The following THSD4 variants were observed in gnomAD, a reference collection of about 807,000 sequenced individuals.
The protein encoded by THSD4 is thrombospondin type 1 domain containing 4, also known as thrombospondin type-1 domain-containing protein 4.
A neutral mutation model predicts 119.0 loss-of-function variants in THSD4; 69 were observed. The ratio of observed to expected loss-of-function variants is 0.58; its 90% CI spans 0.48 to 0.71. The LOEUF is 0.71. Ranked by LOEUF, THSD4 falls within the 30% of genes least tolerant of loss-of-function variation. The pLI is 0.00. For synonymous variants in THSD4, 524 were observed against 540.4 expected (o/e 0.97, Z 0.42); for missense variants, 1,393 against 1,391.1 (o/e 1.00, Z -0.02).
chr15:71,603,718 G>C (rs908416350), intron 7 of THSD4, among the ~76,000 whole-genome samples: 1 of 152,180 alleles, frequency 6.6e-6, no homozygotes, highest in Admixed American at 6.5e-5. Context: ...ATTATGAATG[G>C]CTTGAAATGC....
At chr15:71,672,373 A>C (rs1387376776) in intron 8 of THSD4, among the ~76,000 whole-genome samples, 3 of 152,198 alleles carry the variant, frequency 2.0e-5, no homozygotes, top group Non-Finnish European at 4.4e-5. Flanking sequence ...TTATCAGCTT[A>C]AGGAGATTTG....
At chr15:71,352,591 T>C (rs560408796) in intron 6 of THSD4, among the ~76,000 whole-genome samples, 3 of 152,330 alleles carry the variant, frequency 2.0e-5, no homozygotes, top group South Asian at 2.1e-4. Context: ...TTGGCTGATA[T>C]AGTTGAGTTC....
At chr15:71,497,139 A>G (rs1294617819) in intron 7 of THSD4, among the ~76,000 whole-genome samples, 1 of 152,216 alleles carries the variant, frequency 6.6e-6, no homozygotes, top group East Asian at 1.9e-4. Flanking sequence ...CCTTTCTGCG[A>G]TGATAATACC....
intron 8 of THSD4, among the ~76,000 whole-genome samples, chr15:71,683,731 T>C (rs897990568): frequency 6.6e-6 from 1 of 152,132 alleles, no homozygotes; most frequent in Non-Finnish European, 1.5e-5. Flanking sequence ...TCCCAGCACT[T>C]TGGGAGGCCG....
chr15:71,520,880 T>C (rs1361276853), intron 7 of THSD4, among the ~76,000 whole-genome samples: 1 of 152,214 alleles, frequency 6.6e-6, no homozygotes, highest in Non-Finnish European at 1.5e-5. Context: ...AAGATATGTT[T>C]GCTAGGTTTG....
intron 7 of THSD4, among the ~76,000 whole-genome samples, chr15:71,548,406 G>A (rs1275148908): frequency 6.6e-6 from 1 of 152,200 alleles, no homozygotes; most frequent in African/African-American, 2.4e-5. Flanking sequence ...CCTTGTCAGG[G>A]ACCAAGCAGG....
chr15:71,299,246 T>C (rs1426143530), intron 6 of THSD4, among the ~76,000 whole-genome samples: 4 of 152,230 alleles, frequency 2.6e-5, no homozygotes, highest in African/African-American at 4.8e-5. Flanking sequence ...AAGTTAAGAA[T>C]TGTGGATGCT....
rs540590502 is a variant in THSD4, at chr15:71,501,447, G to A, written c.1152+89624G>A. Among the ~76,000 whole-genome samples, 4 of 152,302 alleles carry A rather than the reference G, an allele frequency of 2.6e-5. No homozygotes were observed. The East Asian group carries it at 7.7e-4, about 29-fold the overall frequency. ...GGGTTTATCTGATTTCCAAGGCTGT[G>A]TTCTGTTCATTCTCAATCTCCCCTC... On this transcript the variant is annotated intron_variant, in intron 7 of 17. Transcript: ENST00000261862.
intron 7 of THSD4, among the ~76,000 whole-genome samples, chr15:71,602,595 A>G (rs28411855): frequency 0.6 from 84,575 of 139,946 alleles, 28,771 homozygotes; most frequent in East Asian, 0.99. Context: ...AAAGAAAAAC[A>G]GTCTCTATCC....
At chr15:71,331,495 A>G (rs968248070) in intron 6 of THSD4, among the ~76,000 whole-genome samples, 5 of 152,196 alleles carry the variant, frequency 3.3e-5, no homozygotes, top group Non-Finnish European at 7.3e-5. Flanking sequence ...ACTAAATGCA[A>G]AAACCTGCTG....
intron 3 of THSD4, among the ~76,000 whole-genome samples, chr15:71,193,913 GTGT>G (rs1475568323): frequency 1.1e-4 from 17 of 152,066 alleles, no homozygotes; most frequent in Non-Finnish European, 1.8e-4. Context: ...GGGTTTCACC[GTGT>G]TAGCCAGGAT....
chr15:71,295,526 G>C (rs1003971316), intron 6 of THSD4, among the ~76,000 whole-genome samples: 5 of 152,178 alleles, frequency 3.3e-5, no homozygotes, highest in African/African-American at 1.2e-4. Context: ...TGGAGACACA[G>C]ATCAGAGGCA....
rs764158675 is a variant in THSD4 at position 71,746,940 on chromosome 15, G to C, written c.2139G>C (p.Thr713=). 6.2e-7 allele frequency: 1 copy of C among 1,613,854 alleles called. No homozygotes were observed. The highest frequency in any genetic ancestry group is 1.3e-5 in the African/African-American group (1 of 75,032). ...AGGTGTACGCCAACCGCAGCCTGAC[G>C]GTGCAGCCCTACCGCTGCCAGCACC... ...CRQVYANRSL[T]VQPYRCQHLE... Residue 713 remains threonine (T), a synonymous_variant, in exon 13 of 18, where the codon ACG becomes ACC. Coordinates refer to ENST00000261862, the MANE Select transcript of THSD4 (RefSeq NM_024817.3).
Position 71,548,136 on chromosome 15 carries a change from T to TC in THSD4, c.1153-112393dup, listed in dbSNP as rs552620571. Among the ~76,000 whole-genome samples, 412 of 149,476 alleles carry TC rather than the reference T, an allele frequency of 2.8e-3. 1 individual carries two copies. Among genetic ancestry groups the TC allele is most frequent in the Admixed American group, 5.0e-3 (74 of 14,820 alleles). On this transcript the variant is annotated intron_variant, in intron 7 of 17. Transcript: ENST00000261862. The stretch of plus-strand genomic sequence containing the variant: ...TTAACATCAGTGATACCTCCTGGAG[T>TC]CAGTTTTTGATGCAGGCAAAGAGAT...
At chr15:71,484,945 T>G (rs2047792423) in intron 7 of THSD4, among the ~76,000 whole-genome samples, 1 of 152,186 alleles carries the variant, frequency 6.6e-6, no homozygotes, top group South Asian at 2.1e-4. Context: ...TCTGGTCCAG[T>G]CCTCTCTTCT....
At chr15:71,620,451 C>A (rs2050400912) in intron 7 of THSD4, among the ~76,000 whole-genome samples, 1 of 151,664 alleles carries the variant, frequency 6.6e-6, no homozygotes, top group Non-Finnish European at 1.5e-5. Context: ...ATAATAATAA[C>A]AAAATTCGCC....
rs2053945507 is a variant in THSD4 at position 71,778,093 on chromosome 15, GT to G, written c.*720del. On this transcript the variant is annotated 3_prime_UTR_variant, in exon 18 of 18. Transcript: ENST00000261862. ...CCTGCCAGGTATATTCACCCATCCA[GT>G]GGAAGAGCTGAGTCCCCGCCCCAGT... The G allele has an allele frequency of 6.6e-6, 1 of 152,322 alleles. No individual in the cohort carries two copies. The highest frequency in any genetic ancestry group is 2.1e-4 in the South Asian group (1 of 4,826). The allele number at this position is 152,322 out of a possible 1,614,324, so 9.4% of individuals were successfully genotyped here.
intron 6 of THSD4, among the ~76,000 whole-genome samples, chr15:71,270,475 A>C (rs780740344): frequency 6.6e-6 from 1 of 152,062 alleles, no homozygotes; most frequent in Non-Finnish European, 1.5e-5. Context: ...AGCACTTACT[A>C]TATTATAGGC....
intron 7 of THSD4, chr15:71,549,895 C>T (rs1179671242): frequency 6.6e-6 from 1 of 152,568 alleles, no homozygotes; most frequent in Non-Finnish European, 1.5e-5. Context: ...GGCTGTGATG[C>T]AAAGCAAGCC....
Sources: gnomAD v4.1 joint callset for allele counts (sites outside exome capture counted in the v4.1 genomes callset) on GRCh38, gnomAD v4.1.1 for gene constraint, MANE v1.5 for transcripts, NCBI Gene and HGNC (gene_info 2026-07-23, HGNC 2026-07-21) for gene names.